Variants in CTSC observed in about 807,000 individuals in gnomAD.
CTSC encodes dipeptidyl peptidase 1.
In CTSC, 37 loss-of-function variants were observed where a neutral mutation model predicts 40.9. The ratio of observed to expected loss-of-function variants is 0.91; its 90% CI spans 0.70 to 1.19. The LOEUF (loss-of-function observed/expected upper bound fraction) is 1.19, where lower values mean the gene tolerates loss of function less well. Ranked by LOEUF, CTSC falls within the 50% of genes most tolerant of loss-of-function variation. The probability of loss-of-function intolerance (pLI) is 0.00; values close to 1 mark genes in which losing one functional copy is unlikely to be tolerated. For synonymous variants in CTSC, 232 were observed against 207.4 expected (o/e 1.12, Z -1.02); for missense variants, 594 against 567.3 (o/e 1.05, Z -0.48).
chr11:88,327,725 C>G lies in CTSC; in HGVS notation c.318+7212G>C, dbSNP rs531839972. ...CTGCTGTGGCCTCACATGTTTCTCT[C>G]TTGAGGGATTCTTTTCAAGAAAAGA... On this transcript the variant is annotated intron_variant, in intron 2 of 6. Coordinates refer to ENST00000227266, the MANE Select transcript of CTSC (RefSeq NM_001814.6). Among the ~76,000 whole-genome samples, 3 of 152,298 alleles carry G rather than the reference C, an allele frequency of 2.0e-5. No homozygotes were observed. In the East Asian group the frequency reaches 5.8e-4, roughly 29 times the overall value.
intron 6 of CTSC, among the ~76,000 whole-genome samples, chr11:88,295,926 A>T (rs1167949050): frequency 6.6e-6 from 1 of 152,198 alleles, no homozygotes; most frequent in African/African-American, 2.4e-5. Flanking sequence ...CACTCAATAT[A>T]TAGTAACTAT....
intron 1 of CTSC, among the ~76,000 whole-genome samples, chr11:88,336,539 CAAAA>C (rs35388709): frequency 2.3e-5 from 2 of 87,396 alleles, no homozygotes; most frequent in South Asian, 3.4e-4. Flanking sequence ...ACTCCATTCT[CAAAA>C]AAAAAAAAAA....
In CTSC at chr11:88,337,199, T is replaced by G. The variant is rs1403724076; in HGVS notation, c.172+302A>C. On this transcript the variant is annotated intron_variant, in intron 1 of 6. Transcript: ENST00000227266. ...AGATCGGACTGGAGAACCAAACGAT[T>G]GCAGTTCCCAAGTCTCTCTCAAAGC... 2.0e-5 allele frequency among the ~76,000 whole-genome samples: 3 copies of G among 152,304 alleles called. No individual in the cohort carries two copies. In the East Asian group the frequency reaches 5.8e-4, roughly 29 times the overall value.
chr11:88,307,369 T>C (rs1191682623), intron 4 of CTSC, among the ~76,000 whole-genome samples: 2 of 152,198 alleles, frequency 1.3e-5, no homozygotes, highest in African/African-American at 4.8e-5. Context: ...TAGATAGATG[T>C]AGATCCTAAG....
intron 4 of CTSC, among the ~76,000 whole-genome samples, chr11:88,308,763 C>T (rs1937688562): frequency 6.6e-6 from 1 of 151,936 alleles, no homozygotes; most frequent in Admixed American, 6.6e-5. Context: ...TGAACTCCAT[C>T]CCCCACGTGG....
chr11:88,312,404 T>C lies in CTSC; in HGVS notation c.469A>G (p.Lys157Glu), dbSNP rs1937783358. 6.2e-7 allele frequency: 1 copy of C among 1,614,146 alleles called. No individual in the cohort carries two copies. Among genetic ancestry groups the C allele is most frequent in the Non-Finnish European group, 8.5e-7 (1 of 1,179,982 alleles). The change falls in exon 3 of 7, where the codon AAG becomes GAG. Residue 157 changes from lysine (K) to glutamate (E), a missense_variant. By Grantham distance (56) the Lys-to-Glu change is moderately conservative. Coordinates refer to ENST00000227266, the MANE Select transcript of CTSC (RefSeq NM_001814.6). ...GCAACTCACTTTTCCTGAGAATTCT[T>C]AAGGTGTGCTATGTTGACATACACA... ...ENVYVNIAHL[K>E]NSQEKYSNRL...
intron 2 of CTSC, chr11:88,324,290 CAATA>C (rs1413013357): frequency 1.7e-5 from 14 of 812,018 alleles, no homozygotes; most frequent in Non-Finnish European, 2.1e-5. Context: ...AAACCCAAAA[CAATA>C]AAACACCCTA....
At chr11:88,306,370 G>A (rs1447798040) in intron 4 of CTSC, among the ~76,000 whole-genome samples, 2 of 152,104 alleles carry the variant, frequency 1.3e-5, no homozygotes, top group Non-Finnish European at 2.9e-5. Flanking sequence ...AAGACCTAAG[G>A]CCCTAAGAGA....
chr11:88,298,043 T>G (rs1300745102), intron 5 of CTSC: 1 of 152,218 alleles, frequency 6.6e-6, no homozygotes, highest in African/African-American at 2.4e-5. Flanking sequence ...TGTGCAACAC[T>G]GGGCACTTGA....
intron 3 of CTSC, among the ~76,000 whole-genome samples, chr11:88,310,318 G>A (rs1228354315): frequency 6.6e-6 from 1 of 151,530 alleles, no homozygotes; most frequent in African/African-American, 2.4e-5. Context: ...TATTTACAAA[G>A]TAGAAAAATT....
chr11:88,332,544 T>C (rs995581938), intron 2 of CTSC, among the ~76,000 whole-genome samples: 35 of 152,244 alleles, frequency 2.3e-4, no homozygotes, highest in Non-Finnish European at 7.3e-5. Flanking sequence ...ACTCTTGCAA[T>C]TGGATTTACT....
At chr11:88,295,719 A>G (rs1944291258) in intron 6 of CTSC, among the ~76,000 whole-genome samples, 1 of 152,092 alleles carries the variant, frequency 6.6e-6, no homozygotes, top group Admixed American at 6.5e-5. Flanking sequence ...GAGAGAAACC[A>G]GTGTTAGTAT....
At chr11:88,324,635 G>T (rs1386411086) in intron 2 of CTSC, 1 of 984,362 alleles carries the variant, frequency 1.0e-6, no homozygotes, top group African/African-American at 1.7e-5. Flanking sequence ...GAGAAATACA[G>T]ATTTTCAATC....
chr11:88,309,680 T>C (rs12275859), intron 3 of CTSC, among the ~76,000 whole-genome samples: 43,566 of 151,966 alleles, frequency 0.29, 7,744 homozygotes, highest in Non-Finnish European at 0.41. Flanking sequence ...CTCACAACTA[T>C]ATTATATTAA....
At chr11:88,313,156 A>T (rs904025533) in intron 2 of CTSC, among the ~76,000 whole-genome samples, 12 of 152,016 alleles carry the variant, frequency 7.9e-5, no homozygotes, top group Non-Finnish European at 1.8e-4. Context: ...TGCAACTTGC[A>T]CCTCCCAGGT....
intron 2 of CTSC, chr11:88,320,959 C>T: frequency 3.0e-6 from 3 of 984,824 alleles, no homozygotes; most frequent in Non-Finnish European, 3.6e-6. Flanking sequence ...GGAATACAAA[C>T]AGGCAATTAT....
At chr11:88,329,685 T>C (rs1417006169) in intron 2 of CTSC, among the ~76,000 whole-genome samples, 2 of 152,088 alleles carry the variant, frequency 1.3e-5, no homozygotes, top group African/African-American at 2.4e-5. Context: ...TAATTAAGCA[T>C]TTTCACAGTA....
intron 2 of CTSC, among the ~76,000 whole-genome samples, chr11:88,317,550 G>A (rs1438503595): frequency 6.6e-6 from 1 of 152,198 alleles, no homozygotes; most frequent in African/African-American, 2.4e-5. Context: ...TACCAGCGGG[G>A]AAGCCAAGTA....
intron 3 of CTSC, among the ~76,000 whole-genome samples, chr11:88,309,814 G>GCACACA (rs71470765): frequency 1.3e-4 from 16 of 118,946 alleles, no homozygotes; most frequent in African/African-American, 1.9e-4. Context: ...ATGTATGCGC[G>GCACACA]CACACACACA....
Sources: gnomAD v4.1 joint callset for allele counts (sites outside exome capture counted in the v4.1 genomes callset) on GRCh38, gnomAD v4.1.1 for gene constraint, MANE v1.5 for transcripts, NCBI Gene and HGNC (gene_info 2026-07-23, HGNC 2026-07-21) for gene names.